The following SLC16A7 variants were observed in gnomAD, a reference collection of about 807,000 sequenced individuals.
SLC16A7 encodes the protein monocarboxylate transporter 2.
Under a neutral mutation model 34.9 loss-of-function variants are expected in SLC16A7, and 33 were observed. The ratio of observed to expected loss-of-function variants is 0.94; its 90% CI spans 0.72 to 1.26. The LOEUF (loss-of-function observed/expected upper bound fraction) is 1.26, where lower values mean the gene tolerates loss of function less well. Among genes scored for constraint, SLC16A7 ranks in the 50% most tolerant of loss-of-function variants. SLC16A7 has a pLI of 0.00. For missense variants in SLC16A7, 573 were observed against 578.1 expected (o/e 0.99, Z 0.09); for synonymous variants, 201 against 206.6 (o/e 0.97, Z 0.23).
intron 5 of SLC16A7, among the ~76,000 whole-genome samples, chr12:59,777,009 G>C (rs142633537): frequency 7.9e-5 from 12 of 152,202 alleles, no homozygotes; most frequent in African/African-American, 2.9e-4. Flanking sequence ...AAACAGAGAA[G>C]TTACCATGCA....
chr12:59,738,118 A>G (rs1027621012), intron 3 of SLC16A7, among the ~76,000 whole-genome samples: 2 of 152,196 alleles, frequency 1.3e-5, no homozygotes, highest in Non-Finnish European at 2.9e-5. Context: ...ATGTATTCAC[A>G]TCAACTCCAC....
intron 3 of SLC16A7, among the ~76,000 whole-genome samples, chr12:59,761,513 C>T (rs190370312): frequency 6.6e-6 from 1 of 152,142 alleles, no homozygotes; most frequent in East Asian, 1.9e-4. Flanking sequence ...ATTACCATTG[C>T]CTTGTTTGGC....
intron 2 of SLC16A7, among the ~76,000 whole-genome samples, chr12:59,660,659 T>TTTGA (rs1868799541): frequency 6.6e-6 from 1 of 151,998 alleles, no homozygotes; most frequent in Admixed American, 6.6e-5. Flanking sequence ...TGCAGTGAGC[T>TTTGA]TTGATTGCCA....
At chr12:59,709,206 CTT>C (rs748962895) in intron 3 of SLC16A7, among the ~76,000 whole-genome samples, 79 of 151,698 alleles carry the variant, frequency 5.2e-4, no homozygotes, top group Non-Finnish European at 9.4e-4. Flanking sequence ...CTTTATATGA[CTT>C]TTCTGGTAAA....
chr12:59,616,363 TA>T (rs1879448817), intron 1 of SLC16A7, among the ~76,000 whole-genome samples: 1 of 152,162 alleles, frequency 6.6e-6, no homozygotes, highest in African/African-American at 2.4e-5. Context: ...TGATAACAAT[TA>T]AAAAATCATT....
At chr12:59,662,083 GT>G (rs996913737) in intron 2 of SLC16A7, among the ~76,000 whole-genome samples, 30 of 151,822 alleles carry the variant, frequency 2.0e-4, no homozygotes, top group African/African-American at 7.0e-4. Flanking sequence ...TGAGACCTTT[GT>G]TTTTTTGTGT....
At chr12:59,611,372 G>A (rs1327891891) in intron 1 of SLC16A7, among the ~76,000 whole-genome samples, 1 of 152,118 alleles carries the variant, frequency 6.6e-6, no homozygotes, top group Non-Finnish European at 1.5e-5. Flanking sequence ...GTGAGAACTC[G>A]ATCACTATCA....
At chr12:59,720,383 A>G (rs1875433117) in intron 3 of SLC16A7, among the ~76,000 whole-genome samples, 1 of 152,142 alleles carries the variant, frequency 6.6e-6, no homozygotes, top group African/African-American at 2.4e-5. Context: ...GAAAAGGACC[A>G]GTCATAGTAG....
Position 59,775,070 on chromosome 12 carries a change from C to T in SLC16A7, c.775C>T (p.Leu259=). 6.2e-7 allele frequency: 1 copy of T among 1,614,010 alleles called. No homozygotes were observed. Among genetic ancestry groups the T allele is most frequent in the African/African-American group, 1.3e-5 (1 of 75,010 alleles). ...IYLSGNVIMF[L]GFFAPIIFLA... ...TCTGTCTGGAAATGTCATTATGTTC[C>T]TAGGTTTTTTTGCCCCCATTATATT... The change falls in exon 5 of 6, where the codon CTA becomes TTA. Residue 259 remains leucine, a synonymous_variant. Transcript: ENST00000547379.
intron 2 of SLC16A7, among the ~76,000 whole-genome samples, chr12:59,677,324 ATT>A (rs929922320): frequency 6.6e-6 from 1 of 152,064 alleles, no homozygotes; most frequent in Non-Finnish European, 1.5e-5. Context: ...TATTAAAGAG[ATT>A]TTTTTAAGGA....
chr12:59,627,140 A>G (rs956671759), intron 1 of SLC16A7, among the ~76,000 whole-genome samples: 5 of 151,834 alleles, frequency 3.3e-5, no homozygotes, highest in African/African-American at 9.7e-5. Flanking sequence ...CAGGACTCAT[A>G]TCACTTACAA....
chr12:59,707,469 A>G (rs1017634707), intron 3 of SLC16A7, among the ~76,000 whole-genome samples: 2 of 152,072 alleles, frequency 1.3e-5, no homozygotes, highest in African/African-American at 4.8e-5. Flanking sequence ...TAAATATACT[A>G]TATTTACTAC....
At chr12:59,630,698 T>C (rs1000854751) in intron 1 of SLC16A7, among the ~76,000 whole-genome samples, 4 of 151,946 alleles carry the variant, frequency 2.6e-5, no homozygotes, top group Non-Finnish European at 5.9e-5. Context: ...CAATGGAATA[T>C]ATATGCATCA....
At chr12:59,707,979 A>G (rs1490220264) in intron 3 of SLC16A7, among the ~76,000 whole-genome samples, 2 of 152,180 alleles carry the variant, frequency 1.3e-5, no homozygotes, top group African/African-American at 4.8e-5. Context: ...TGTTGAATAT[A>G]GATCTTACAC....
chr12:59,708,070 A>G (rs1480146967), intron 3 of SLC16A7, among the ~76,000 whole-genome samples: 1 of 152,172 alleles, frequency 6.6e-6, no homozygotes, highest in Admixed American at 6.6e-5. Context: ...AATAATTGGC[A>G]CATTTAAAAT....
chr12:59,733,363 C>A (rs1034125520), intron 3 of SLC16A7, among the ~76,000 whole-genome samples: 1 of 152,148 alleles, frequency 6.6e-6, no homozygotes, highest in African/African-American at 2.4e-5. Flanking sequence ...CCAGGCATGC[C>A]GGCTGCAGCA....
intron 1 of SLC16A7, among the ~76,000 whole-genome samples, chr12:59,629,301 A>G (rs541918234): frequency 1.7e-4 from 26 of 151,966 alleles, no homozygotes; most frequent in African/African-American, 2.7e-4. Flanking sequence ...TATTCATCCA[A>G]CTGTATCTAT....
chr12:59,659,392 T>C (rs1868711411), intron 2 of SLC16A7, among the ~76,000 whole-genome samples: 1 of 152,068 alleles, frequency 6.6e-6, no homozygotes, highest in Non-Finnish European at 1.5e-5. Flanking sequence ...AGGTAATTTC[T>C]CAACCCTCAT....
chr12:59,687,109 G>T (rs1280989634), intron 2 of SLC16A7, among the ~76,000 whole-genome samples: 4 of 151,632 alleles, frequency 2.6e-5, no homozygotes, highest in Non-Finnish European at 5.9e-5. Context: ...AAAAAAAAAT[G>T]CTAAAGTCAT....
Sources: gnomAD v4.1 joint callset for allele counts (sites outside exome capture counted in the v4.1 genomes callset) on GRCh38, gnomAD v4.1.1 for gene constraint, MANE v1.5 for transcripts, NCBI Gene and HGNC (gene_info 2026-07-23, HGNC 2026-07-21) for gene names.